The following TLL1 variants were observed in gnomAD, a reference collection of about 807,000 sequenced individuals.
The protein encoded by TLL1 is tolloid-like protein 1.
A neutral mutation model predicts 128.2 loss-of-function variants in TLL1; 49 were observed. The observed-to-expected ratio is 0.38, with a 90% CI of 0.30 to 0.48. TLL1 has a LOEUF of 0.48. Ranked by LOEUF, TLL1 falls within the 20% of genes least tolerant of loss-of-function variation. The pLI, the probability that TLL1 is intolerant of heterozygous loss-of-function variation, is 0.96. For missense variants in TLL1, 1,123 were observed against 1,242.0 expected, an observed-to-expected ratio of 0.90 and a Z score of 1.44; for synonymous variants, 454 against 418.8, an observed-to-expected ratio of 1.08 and a Z score of -1.03.
At chr4:165,990,827 G>A (rs1736604787) in intron 2 of TLL1, among the ~76,000 whole-genome samples, 1 of 151,956 alleles carries the variant, frequency 6.6e-6, no homozygotes, top group African/African-American at 2.4e-5. Context: ...TGTAAAAATA[G>A]GGTGCTTTGG....
chr4:165,919,785 T>C (rs896643380), intron 1 of TLL1: 2 of 455,904 alleles, frequency 4.4e-6, no homozygotes, highest in African/African-American at 4.0e-5. Context: ...CTTGCAGGCC[T>C]TGTTTAAAAC....
chr4:165,928,800 T>C (rs548722793), intron 1 of TLL1, among the ~76,000 whole-genome samples: 2 of 152,222 alleles, frequency 1.3e-5, no homozygotes, highest in Non-Finnish European at 2.9e-5. Flanking sequence ...TTCATTCTCC[T>C]ACTTTGCTTG....
rs1202423339 is a variant in TLL1 at position 166,077,935 on chromosome 4, G to A, written c.2347G>A (p.Gly783Ser). The A allele has an allele frequency of 6.2e-7, 1 of 1,613,514 alleles. No individual in the cohort carries two copies. Among genetic ancestry groups the A allele is most frequent in the Non-Finnish European group, 8.5e-7 (1 of 1,179,710 alleles). Residue 783 changes from glycine (G) to serine (S), a missense_variant, in exon 18 of 21, where the codon GGC becomes AGC. By Grantham distance (56) the Gly-to-Ser change is moderately conservative. Transcript: ENST00000061240. Reference sequence around the variant, plus strand: ...TGAACAGAAGATCCACAGTCCAAGTGGCCTCATCACCAGTCCCAACTGGCC... The same window carrying A: ...TGAACAGAAGATCCACAGTCCAAGTAGCCTCATCACCAGTCCCAACTGGCC... ...ECEQKIHSPSGLITSPNWPDK... is the reference protein window; with the variant it reads ...ECEQKIHSPSSLITSPNWPDK...
chr4:166,068,561 C>T (rs570925759), intron 16 of TLL1, among the ~76,000 whole-genome samples: 17 of 151,664 alleles, frequency 1.1e-4, no homozygotes, highest in Non-Finnish European at 1.6e-4. Context: ...TGATAAACTT[C>T]GTTACTGGAT....
intron 1 of TLL1, among the ~76,000 whole-genome samples, chr4:165,986,711 T>G (rs1736407383): frequency 6.6e-6 from 1 of 152,090 alleles, no homozygotes; most frequent in Admixed American, 6.6e-5. Flanking sequence ...TCCCCAGAAG[T>G]AATGTTTTTG....
intron 16 of TLL1, among the ~76,000 whole-genome samples, chr4:166,067,698 C>A (rs1740630487): frequency 6.6e-6 from 1 of 151,660 alleles, no homozygotes; most frequent in African/African-American, 2.4e-5. Flanking sequence ...AATCAATTAA[C>A]ATGACAATAG....
chr4:166,076,006 G>C (rs1391769310), intron 17 of TLL1, among the ~76,000 whole-genome samples: 1 of 152,112 alleles, frequency 6.6e-6, no homozygotes, highest in African/African-American at 2.4e-5. Context: ...AACTTGGTAA[G>C]ATATGATATA....
chr4:165,961,627 G>A (rs1406482823), intron 1 of TLL1, among the ~76,000 whole-genome samples: 1 of 152,082 alleles, frequency 6.6e-6, no homozygotes, highest in South Asian at 2.1e-4. Flanking sequence ...CAGACACAAA[G>A]ACCAGTGGAA....
rs144121322 is a variant in TLL1, at chr4:165,940,745, G to A, written c.170-48636G>A. Among the ~76,000 whole-genome samples the A allele has an allele frequency of 8.5e-5, 13 of 152,134 alleles. No individual in the cohort carries two copies. The East Asian group carries it at 1.9e-3, about 23-fold the overall frequency. On this transcript the variant is annotated intron_variant, in intron 1 of 20. Coordinates refer to ENST00000061240, the MANE Select transcript of TLL1 (RefSeq NM_012464.5). The stretch of plus-strand genomic sequence containing the variant: ...GTTAGGAAAGATATGATGAGGATAT[G>A]TGACTTTTTCCTTATACCGTCAATT...
intron 5 of TLL1, among the ~76,000 whole-genome samples, chr4:166,001,393 C>T (rs1004440380): frequency 6.6e-6 from 1 of 152,042 alleles, no homozygotes; most frequent in African/African-American, 2.4e-5. Flanking sequence ...GTCTTTCCCA[C>T]CCTGTGTCCC....
chr4:166,008,117 G>A (rs1737522045), intron 7 of TLL1, 69 bp downstream of exon 7: 2 of 1,148,048 alleles, frequency 1.7e-6, no homozygotes, highest in African/African-American at 1.5e-5. Flanking sequence ...ACAAAGCTAT[G>A]CCTGACATTA....
intron 5 of TLL1, among the ~76,000 whole-genome samples, chr4:165,998,769 CCT>C (rs1560800604): frequency 6.6e-6 from 1 of 151,490 alleles, no homozygotes; most frequent in African/African-American, 2.4e-5. Context: ...TGCACTCCAG[CCT>C]GGGGGACAGA....
At chr4:165,886,926 T>G (rs1001678224) in intron 1 of TLL1, among the ~76,000 whole-genome samples, 10 of 152,126 alleles carry the variant, frequency 6.6e-5, no homozygotes, top group African/African-American at 2.4e-4. Context: ...ATTTTCTTCC[T>G]GGAGAAAAGA....
In TLL1 at chr4:165,919,750, A is replaced by G. The variant is rs901193611; in HGVS notation, c.169+45677A>G. ...TTGTAGTCTGAAATGGCATGTGGCCAGACGTGGATGCAGTATTAGTGCCTC... is the reference window on the plus strand; with the variant it reads ...TTGTAGTCTGAAATGGCATGTGGCCGGACGTGGATGCAGTATTAGTGCCTC... On this transcript the variant is annotated intron_variant, in intron 1 of 20. Transcript: ENST00000061240. The G allele has an allele frequency of 3.3e-5, 15 of 451,714 alleles. No homozygotes were observed. In the Admixed American group the frequency reaches 3.6e-4, roughly 11 times the overall value. The allele number at this position is 451,714 out of a possible 1,614,324, so 28.0% of individuals were successfully genotyped here. A position where few individuals can be genotyped will look rare whatever the true frequency, so the allele number is the denominator to read the frequency against.
intron 12 of TLL1, among the ~76,000 whole-genome samples, chr4:166,051,046 C>T (rs1438409763): frequency 6.6e-6 from 1 of 152,088 alleles, no homozygotes; most frequent in East Asian, 1.9e-4. Context: ...GGTCTGTTTA[C>T]ATTATGATAA....
chr4:166,098,458 C>T (rs942819045), intron 19 of TLL1, among the ~76,000 whole-genome samples: 1 of 149,910 alleles, frequency 6.7e-6, no homozygotes, highest in African/African-American at 2.5e-5. Flanking sequence ...TTATTTATTT[C>T]TTTGGTGTAT....
At chr4:166,056,369 T>C (rs1740007626) in intron 13 of TLL1, among the ~76,000 whole-genome samples, 1 of 151,624 alleles carries the variant, frequency 6.6e-6, no homozygotes, top group East Asian at 1.9e-4. Flanking sequence ...TCCTGTCATA[T>C]ACATTTTAAA....
Position 165,962,903 on chromosome 4 carries a change from A to C in TLL1, c.170-26478A>C, listed in dbSNP as rs553425132. Among the ~76,000 whole-genome samples, 19 of 151,378 alleles carry C rather than the reference A, an allele frequency of 1.3e-4. No individual in the cohort carries two copies. The South Asian group carries it at 3.7e-3, about 30-fold the overall frequency. On this transcript the variant is annotated intron_variant, in intron 1 of 20. Coordinates refer to ENST00000061240, the MANE Select transcript of TLL1 (RefSeq NM_012464.5). ...AAACCATGTCTCCCTAAAAGTACAA[A>C]AATTAGCTAGGCATGGTGGCACGTG...
intron 1 of TLL1, among the ~76,000 whole-genome samples, chr4:165,929,905 C>T (rs985445708): frequency 6.6e-6 from 1 of 152,186 alleles, no homozygotes; most frequent in African/African-American, 2.4e-5. Context: ...GATATCAGCT[C>T]ATTCCTTGTT....
Sources: allele counts gnomAD v4.1 joint callset (sites outside exome capture counted in the v4.1 genomes callset), GRCh38; gene constraint gnomAD v4.1.1; transcripts MANE v1.5; gene names NCBI Gene and HGNC (gene_info 2026-07-23, HGNC 2026-07-21).